CNTNAP2: variants seen among roughly 807,000 people sequenced by gnomAD.
CNTNAP2 encodes contactin-associated protein-like 2.
Under a neutral mutation model 155.2 loss-of-function variants are expected in CNTNAP2, and 98 were observed. The observed-to-expected ratio is 0.63, with a 90% CI of 0.54 to 0.75. CNTNAP2 has a LOEUF of 0.75. CNTNAP2 is among the 30% of genes least tolerant of loss of function. CNTNAP2 has a pLI of 0.00. For missense variants in CNTNAP2, 1,727 were observed against 1,688.1 expected, an observed-to-expected ratio of 1.02 and a Z score of -0.40; for synonymous variants, 651 against 631.2, an observed-to-expected ratio of 1.03 and a Z score of -0.47.
At chr7:146,665,715 A>C (rs958019306) in intron 1 of CNTNAP2, among the ~76,000 whole-genome samples, 5 of 141,440 alleles carry the variant, frequency 3.5e-5, no homozygotes, top group Non-Finnish European at 7.6e-5. Context: ...CAGGAGGCGG[A>C]GGTGGCAGTG....
At chr7:147,469,743 C>T (rs1584752571) in intron 10 of CNTNAP2, among the ~76,000 whole-genome samples, 1 of 151,930 alleles carries the variant, frequency 6.6e-6, no homozygotes, top group African/African-American at 2.4e-5. Flanking sequence ...TGATCTCGAT[C>T]TCCTGACCTC....
At chr7:148,043,502 A>G (rs941068985) in intron 15 of CNTNAP2, among the ~76,000 whole-genome samples, 3 of 152,254 alleles carry the variant, frequency 2.0e-5, no homozygotes, top group Non-Finnish European at 4.4e-5. Flanking sequence ...TGGAAAAATC[A>G]TTGCCAATTG....
chr7:148,136,588 T>G (rs1352367481), intron 16 of CNTNAP2, among the ~76,000 whole-genome samples: 3 of 152,198 alleles, frequency 2.0e-5, no homozygotes, highest in African/African-American at 4.8e-5. Context: ...TATTTCTTTA[T>G]AGCAAGGCAA....
At chr7:147,449,711 C>A (rs932044608) in intron 10 of CNTNAP2, among the ~76,000 whole-genome samples, 3 of 152,090 alleles carry the variant, frequency 2.0e-5, no homozygotes, top group African/African-American at 7.2e-5. Context: ...AAAAAAGAAT[C>A]TAATTCTTAG....
At chr7:146,183,315 T>C (rs1478383703) in intron 1 of CNTNAP2, among the ~76,000 whole-genome samples, 2 of 152,076 alleles carry the variant, frequency 1.3e-5, no homozygotes, top group Admixed American at 6.6e-5. Context: ...GCCATGGGAT[T>C]CATTAGCTGC....
At chr7:146,136,213 A>T (rs923690470) in intron 1 of CNTNAP2, among the ~76,000 whole-genome samples, 3 of 152,168 alleles carry the variant, frequency 2.0e-5, no homozygotes, top group Admixed American at 1.3e-4. Context: ...ATAGTAACTG[A>T]GTGTGATTTT....
intron 13 of CNTNAP2, among the ~76,000 whole-genome samples, chr7:147,660,340 A>G (rs896593571): frequency 6.6e-6 from 1 of 152,190 alleles, no homozygotes; most frequent in South Asian, 2.1e-4. Context: ...TTATCCATAG[A>G]GAAAAAGATT....
chr7:148,068,705 G>A (rs1803317199), intron 15 of CNTNAP2, among the ~76,000 whole-genome samples: 1 of 151,996 alleles, frequency 6.6e-6, no homozygotes, highest in Admixed American at 6.5e-5. Context: ...ATTTCCTTTT[G>A]AGTACTGTAC....
intron 3 of CNTNAP2, among the ~76,000 whole-genome samples, chr7:146,929,567 C>A (rs1796697668): frequency 6.6e-6 from 1 of 152,174 alleles, no homozygotes; most frequent in South Asian, 2.1e-4. Context: ...TCCTCACCAG[C>A]AACGGAACAA....
At chr7:147,936,729 C>T (rs1800616346) in intron 14 of CNTNAP2, among the ~76,000 whole-genome samples, 1 of 152,128 alleles carries the variant, frequency 6.6e-6, no homozygotes, top group Admixed American at 6.6e-5. Context: ...CCTTGATAAG[C>T]AGCATGAGTC....
chr7:148,013,047 C>T (rs1003838816), intron 15 of CNTNAP2: 4 of 152,128 alleles, frequency 2.6e-5, no homozygotes, highest in Non-Finnish European at 4.4e-5. Context: ...GTTAAATGAA[C>T]AAGGAGTTGA....
intron 11 of CNTNAP2, among the ~76,000 whole-genome samples, chr7:147,538,521 G>C (rs553128100): frequency 6.6e-6 from 1 of 152,010 alleles, no homozygotes; most frequent in Non-Finnish European, 1.5e-5. Flanking sequence ...GAGGTGGCAC[G>C]CATCTATAGT....
At chr7:147,416,261 C>T (rs1163324999) in intron 10 of CNTNAP2, among the ~76,000 whole-genome samples, 2 of 152,140 alleles carry the variant, frequency 1.3e-5, no homozygotes, top group Non-Finnish European at 2.9e-5. Flanking sequence ...TGATTAAGGC[C>T]ACACAGCCTG....
chr7:146,538,648 C>T (rs924488331), intron 1 of CNTNAP2, among the ~76,000 whole-genome samples: 4 of 151,804 alleles, frequency 2.6e-5, no homozygotes, highest in African/African-American at 9.7e-5. Context: ...GAGAAGGGAG[C>T]AAGCATTTGG....
intron 11 of CNTNAP2, among the ~76,000 whole-genome samples, chr7:147,489,141 T>A (rs2116644655): frequency 6.6e-6 from 1 of 152,346 alleles, no homozygotes; most frequent in South Asian, 2.1e-4. Flanking sequence ...TCCAGAAGAA[T>A]TGAAGAGTAT....
At chr7:147,531,849 C>A (rs1799438522) in intron 11 of CNTNAP2, among the ~76,000 whole-genome samples, 1 of 150,976 alleles carries the variant, frequency 6.6e-6, no homozygotes, top group Non-Finnish European at 1.5e-5. Context: ...CTCTGTCACC[C>A]AGGCTGGAAT....
chr7:148,262,311 T>G lies in CNTNAP2; in HGVS notation c.3382-4722T>G, dbSNP rs991070878. On this transcript the variant is annotated intron_variant, in intron 20 of 23. Transcript: ENST00000361727. ...CCGGGAGAAAGAGATGTTTTGGTTT[T>G]GGGTTGTACAAGGTCTGTTATTTTT... Among the ~76,000 whole-genome samples, 3 of 152,226 alleles carry G rather than the reference T, an allele frequency of 2.0e-5. No homozygotes were observed. In the East Asian group the frequency reaches 5.8e-4, roughly 29 times the overall value.
rs543846314 is a variant in CNTNAP2, at chr7:146,816,881, G to A, written c.209-22830G>A. 9.5e-4 allele frequency among the ~76,000 whole-genome samples: 144 copies of A among 152,280 alleles called. 1 individual carries two copies. The highest frequency in any genetic ancestry group is 3.4e-3 in the African/African-American group (142 of 41,560). ...TGTGCAATAGCACTTGTCTCCTACAGCTGTTTCAAGGATTAGCTGAGTTTA... is the reference window on the plus strand; with the variant it reads ...TGTGCAATAGCACTTGTCTCCTACAACTGTTTCAAGGATTAGCTGAGTTTA... On this transcript the variant is annotated intron_variant, in intron 2 of 23. Coordinates refer to ENST00000361727, the MANE Select transcript of CNTNAP2 (RefSeq NM_014141.6).
In CNTNAP2 at chr7:147,656,861, G is replaced by A. The variant is rs552683751; in HGVS notation, c.2098+17555G>A. Among the ~76,000 whole-genome samples the A allele has an allele frequency of 3.6e-4, 55 of 152,312 alleles. No homozygotes were observed. In the South Asian group the frequency reaches 0.011, roughly 30 times the overall value. On this transcript the variant is annotated intron_variant, in intron 13 of 23. Coordinates refer to ENST00000361727, the MANE Select transcript of CNTNAP2 (RefSeq NM_014141.6). ...TATAATAAAGCATATGATCTGTGAA[G>A]CACAATGAAATGAGAATGCCTGTGT...
Sources: gnomAD v4.1 joint callset for allele counts (sites outside exome capture counted in the v4.1 genomes callset) on GRCh38, gnomAD v4.1.1 for gene constraint, MANE v1.5 for transcripts, NCBI Gene and HGNC (gene_info 2026-07-23, HGNC 2026-07-21) for gene names.